SPOCK3: variants seen among roughly 807,000 people sequenced by gnomAD.
The protein encoded by SPOCK3 is testican-3.
Under a neutral mutation model 56.6 loss-of-function variants are expected in SPOCK3, and 30 were observed. That is an observed-to-expected ratio of 0.53 (90% CI 0.40 to 0.72). The LOEUF is 0.72. Ranked by LOEUF, SPOCK3 falls within the 30% of genes least tolerant of loss-of-function variation. The pLI, the probability that SPOCK3 is intolerant of heterozygous loss-of-function variation, is 0.00. For synonymous variants in SPOCK3, 196 were observed against 183.3 expected (o/e 1.07, Z -0.56); for missense variants, 527 against 530.0 (o/e 0.99, Z 0.06).
At chr4:166,935,644 C>T (rs1020890624) in intron 4 of SPOCK3, among the ~76,000 whole-genome samples, 14 of 152,012 alleles carry the variant, frequency 9.2e-5, no homozygotes, top group Admixed American at 7.2e-4. Flanking sequence ...TAAGAAGAAT[C>T]GTTATAGAGT....
chr4:167,182,493 T>C (rs1340428274), intron 2 of SPOCK3, among the ~76,000 whole-genome samples: 1 of 147,416 alleles, frequency 6.8e-6, no homozygotes, highest in Admixed American at 6.8e-5. Context: ...AAAAAAAAAA[T>C]ATGCAATCAT....
At chr4:166,911,484 C>A (rs1405390175) in intron 5 of SPOCK3, among the ~76,000 whole-genome samples, 1 of 152,090 alleles carries the variant, frequency 6.6e-6, no homozygotes, top group Non-Finnish European at 1.5e-5. Flanking sequence ...AATGTATACT[C>A]TTTAATAAGA....
intron 4 of SPOCK3, among the ~76,000 whole-genome samples, chr4:166,954,746 C>T (rs937020127): frequency 6.6e-6 from 1 of 152,098 alleles, no homozygotes; most frequent in East Asian, 1.9e-4. Flanking sequence ...AAACTTCCAC[C>T]ACAATCCAAA....
At chr4:167,066,924 A>C (rs2150256554) in intron 2 of SPOCK3, among the ~76,000 whole-genome samples, 1 of 151,990 alleles carries the variant, frequency 6.6e-6, no homozygotes, top group African/African-American at 2.4e-5. Context: ...TCGGAAGGAT[A>C]AGCTTACACG....
At chr4:167,137,112 G>T (rs1763184651) in intron 2 of SPOCK3, among the ~76,000 whole-genome samples, 1 of 152,018 alleles carries the variant, frequency 6.6e-6, no homozygotes, top group Non-Finnish European at 1.5e-5. Flanking sequence ...GGTCCTAAAT[G>T]CAGCCTCTTA....
At chr4:166,818,910 A>C (rs1579316181) in intron 6 of SPOCK3, among the ~76,000 whole-genome samples, 1 of 152,046 alleles carries the variant, frequency 6.6e-6, no homozygotes, top group Non-Finnish European at 1.5e-5. Context: ...GGAACACAAG[A>C]TATTTTTAAA....
At chr4:167,200,366 C>G (rs551511943) in intron 2 of SPOCK3, among the ~76,000 whole-genome samples, 2 of 151,936 alleles carry the variant, frequency 1.3e-5, no homozygotes, top group East Asian at 3.9e-4. Flanking sequence ...AAAAAATATA[C>G]CCTTTATGTT....
chr4:166,949,421 T>G (rs1392464457), intron 4 of SPOCK3, among the ~76,000 whole-genome samples: 1 of 152,152 alleles, frequency 6.6e-6, no homozygotes, highest in African/African-American at 2.4e-5. Context: ...GTGCTCTGCT[T>G]TTTAGAGTTT....
intron 7 of SPOCK3, among the ~76,000 whole-genome samples, chr4:166,765,751 G>T (rs6855373): frequency 0.33 from 50,209 of 151,972 alleles, 8,458 homozygotes; most frequent in Admixed American, 0.42. Flanking sequence ...GATGGGGATG[G>T]TATTGAATCT....
At chr4:166,798,626 G>A (rs1010431169) in intron 6 of SPOCK3, among the ~76,000 whole-genome samples, 1 of 152,102 alleles carries the variant, frequency 6.6e-6, no homozygotes, top group Non-Finnish European at 1.5e-5. Flanking sequence ...TTATGATCTG[G>A]ATTAAAGAGC....
At chr4:167,075,078 T>G (rs1342997516) in intron 2 of SPOCK3, among the ~76,000 whole-genome samples, 1 of 151,932 alleles carries the variant, frequency 6.6e-6, no homozygotes, top group Non-Finnish European at 1.5e-5. Flanking sequence ...GTGCACTCAT[T>G]TTGTTTAATT....
intron 7 of SPOCK3, among the ~76,000 whole-genome samples, chr4:166,788,829 A>C (rs1255279567): frequency 6.6e-6 from 1 of 152,002 alleles, no homozygotes; most frequent in African/African-American, 2.4e-5. Context: ...AAATGAATAA[A>C]ATGTAAAAAT....
chr4:166,944,236 A>G (rs1741448763), intron 4 of SPOCK3, among the ~76,000 whole-genome samples: 1 of 152,210 alleles, frequency 6.6e-6, no homozygotes, highest in Middle Eastern at 3.4e-3. Flanking sequence ...TTTTAACCTC[A>G]AAGGGAGGGG....
chr4:167,007,231 A>G (rs1749556241), intron 3 of SPOCK3, among the ~76,000 whole-genome samples: 1 of 152,126 alleles, frequency 6.6e-6, no homozygotes, highest in African/African-American at 2.4e-5. Context: ...TCTGTAGAGT[A>G]TTGGTTCCAG....
chr4:167,128,322 AC>A (rs1216475096), intron 2 of SPOCK3, among the ~76,000 whole-genome samples: 1 of 152,144 alleles, frequency 6.6e-6, no homozygotes, highest in Non-Finnish European at 1.5e-5. Context: ...AAGGCTTTTT[AC>A]CCTTCATCTT....
At chr4:166,805,556 G>A (rs772242502) in intron 6 of SPOCK3, among the ~76,000 whole-genome samples, 1 of 152,054 alleles carries the variant, frequency 6.6e-6, no homozygotes, top group Non-Finnish European at 1.5e-5. Context: ...AGACAGTAGA[G>A]GTTGCAGAAG....
At chr4:167,103,133 T>C (rs1227895910) in intron 2 of SPOCK3, among the ~76,000 whole-genome samples, 1 of 151,912 alleles carries the variant, frequency 6.6e-6, no homozygotes, top group East Asian at 2.0e-4. Context: ...GGGAAGGACC[T>C]AGTCCTGGAA....
intron 4 of SPOCK3, among the ~76,000 whole-genome samples, chr4:166,985,980 A>C (rs1747112837): frequency 6.6e-6 from 1 of 152,166 alleles, no homozygotes; most frequent in African/African-American, 2.4e-5. Flanking sequence ...TTAGTGTGTC[A>C]AAATATATAA....
intron 2 of SPOCK3, among the ~76,000 whole-genome samples, chr4:167,120,315 T>C (rs1336880977): frequency 1.3e-5 from 2 of 152,014 alleles, no homozygotes; most frequent in Admixed American, 1.3e-4. Context: ...GATGTGAGGA[T>C]TAAATGGACT....
Sources: allele counts gnomAD v4.1 joint callset (sites outside exome capture counted in the v4.1 genomes callset), GRCh38; gene constraint gnomAD v4.1.1; transcripts MANE v1.5; gene names NCBI Gene and HGNC (gene_info 2026-07-23, HGNC 2026-07-21).